Variants in CCSER1 observed in about 807,000 individuals in gnomAD.
The protein encoded by CCSER1 is serine-rich coiled-coil domain-containing protein 1.
Under a neutral mutation model 82.0 loss-of-function variants are expected in CCSER1, and 41 were observed. That is an observed-to-expected ratio of 0.50 (90% CI 0.39 to 0.65). CCSER1 has a LOEUF of 0.65. Ranked by LOEUF, CCSER1 falls within the 30% of genes least tolerant of loss-of-function variation. CCSER1 has a pLI of 0.00. For synonymous variants in CCSER1, 414 were observed against 383.9 expected (o/e 1.08, Z -0.92); for missense variants, 1,119 against 1,064.2 (o/e 1.05, Z -0.72).
chr4:91,377,338 A>G (rs1750502689), intron 10 of CCSER1, among the ~76,000 whole-genome samples: 1 of 152,102 alleles, frequency 6.6e-6, no homozygotes, highest in African/African-American at 2.4e-5. Flanking sequence ...GTCTTCCACA[A>G]TGGTTGAACT....
At chr4:90,618,197 C>T (rs986272809) in intron 5 of CCSER1, among the ~76,000 whole-genome samples, 1 of 151,976 alleles carries the variant, frequency 6.6e-6, no homozygotes, top group African/African-American at 2.4e-5. Context: ...AAGTCATAAG[C>T]ACCAAGTCTT....
At chr4:90,721,563 T>C (rs1306484626) in intron 6 of CCSER1, among the ~76,000 whole-genome samples, 1 of 151,836 alleles carries the variant, frequency 6.6e-6, no homozygotes, top group Non-Finnish European at 1.5e-5. Flanking sequence ...AGTTGTGGAT[T>C]AACAAAAACC....
At chr4:90,896,177 G>T (rs1008216483) in intron 8 of CCSER1, among the ~76,000 whole-genome samples, 1 of 151,912 alleles carries the variant, frequency 6.6e-6, no homozygotes, top group Non-Finnish European at 1.5e-5. Flanking sequence ...GAGATTCTTT[G>T]ATAGCAGTGC....
At chr4:90,465,490 T>G (rs1578610206) in intron 4 of CCSER1, among the ~76,000 whole-genome samples, 1 of 152,212 alleles carries the variant, frequency 6.6e-6, no homozygotes, top group South Asian at 2.1e-4. Context: ...CTGGCTAATT[T>G]TTTGTATTTT....
At chr4:91,230,459 A>C (rs1738536601) in intron 10 of CCSER1, among the ~76,000 whole-genome samples, 1 of 152,068 alleles carries the variant, frequency 6.6e-6, no homozygotes, top group South Asian at 2.1e-4. Flanking sequence ...CTCAACTAAA[A>C]ACAAGTGTAT....
chr4:91,039,693 T>C (rs1473468206), intron 9 of CCSER1, among the ~76,000 whole-genome samples: 1 of 133,912 alleles, frequency 7.5e-6, no homozygotes, highest in Non-Finnish European at 1.7e-5. Flanking sequence ...TGTATAGATC[T>C]AAAATGTGTA....
intron 10 of CCSER1, among the ~76,000 whole-genome samples, chr4:91,142,265 C>T (rs1239519185): frequency 6.6e-6 from 1 of 152,144 alleles, no homozygotes; most frequent in Non-Finnish European, 1.5e-5. Context: ...CTCTCTCTTG[C>T]CTGCCACCAT....
At chr4:91,502,713 TCA>T (rs1280239913) in intron 10 of CCSER1, among the ~76,000 whole-genome samples, 1 of 152,220 alleles carries the variant, frequency 6.6e-6, no homozygotes, top group South Asian at 2.1e-4. Context: ...AAATAATTTC[TCA>T]GTTTTATTTT....
chr4:91,496,289 T>G (rs1435197905), intron 10 of CCSER1, among the ~76,000 whole-genome samples: 1 of 151,284 alleles, frequency 6.6e-6, no homozygotes. Context: ...TGTTTTTCTG[T>G]GCTTGTATCA....
chr4:91,351,201 T>A (rs185294929), intron 10 of CCSER1, among the ~76,000 whole-genome samples: 121 of 152,172 alleles, frequency 8.0e-4, no homozygotes, highest in African/African-American at 2.9e-3. Context: ...TATTACTTTA[T>A]TATAAAATAA....
chr4:90,319,953 T>G (rs1736833068), intron 3 of CCSER1, among the ~76,000 whole-genome samples: 1 of 152,206 alleles, frequency 6.6e-6, no homozygotes, highest in South Asian at 2.1e-4. Flanking sequence ...AAACATGAAA[T>G]TACATTTGTT....
rs138804399 is a variant in CCSER1 at position 90,840,784 on chromosome 4, G to A, written c.2094+24939G>A. On this transcript the variant is annotated intron_variant, in intron 8 of 10. Coordinates refer to ENST00000509176, the MANE Select transcript of CCSER1 (RefSeq NM_001145065.2). The stretch of plus-strand genomic sequence containing the variant: ...TTTTTTAATAGTTATAACCTTGTAT[G>A]CAAGTCACTGTGAATTTTGCTGGCA... Among the ~76,000 whole-genome samples the A allele has an allele frequency of 2.6e-5, 4 of 151,822 alleles. No homozygotes were observed. In the East Asian group the frequency reaches 5.8e-4, roughly 22 times the overall value.
rs370139962 is a variant in CCSER1, at chr4:90,468,258, C to G, written c.1628C>G (p.Ser543Cys). 6.2e-7 allele frequency: 1 copy of G among 1,605,726 alleles called. No individual in the cohort carries two copies. Among genetic ancestry groups the G allele is most frequent in the Non-Finnish European group, 8.5e-7 (1 of 1,175,114 alleles). ...GTTTGCCGGGAGGACTCATATCACTCTGTCGTCTCATGTGCCGCAGTAGTT... is the reference window on the plus strand; with the variant it reads ...GTTTGCCGGGAGGACTCATATCACTGTGTCGTCTCATGTGCCGCAGTAGTT... Reference protein sequence around the residue: ...PSVCREDSYHSVVSCAAVVLT... With the variant: ...PSVCREDSYHCVVSCAAVVLT... The change falls in exon 5 of 11, where the codon TCT (serine) becomes TGT (cysteine). Residue 543 changes from serine (S) to cysteine (C), a missense_variant. By Grantham distance (112) the Ser-to-Cys change is moderately radical. Coordinates refer to ENST00000509176, the MANE Select transcript of CCSER1 (RefSeq NM_001145065.2).
At chr4:90,791,694 C>T (rs1199702460) in intron 7 of CCSER1, among the ~76,000 whole-genome samples, 1 of 151,568 alleles carries the variant, frequency 6.6e-6, no homozygotes, top group Admixed American at 6.6e-5. Flanking sequence ...ACTAAAAATA[C>T]AAAAAATTAG....
At chr4:90,832,328 T>C (rs2149827139) in intron 8 of CCSER1, among the ~76,000 whole-genome samples, 2 of 152,234 alleles carry the variant, frequency 1.3e-5, no homozygotes, top group Non-Finnish European at 2.9e-5. Context: ...ATAGAACATG[T>C]GATGATAGAA....
At chr4:90,842,259 T>A (rs528821341) in intron 8 of CCSER1, among the ~76,000 whole-genome samples, 4 of 152,348 alleles carry the variant, frequency 2.6e-5, no homozygotes, top group African/African-American at 9.6e-5. Context: ...ATAATCTCAT[T>A]AAAATTCTTG....
intron 7 of CCSER1, among the ~76,000 whole-genome samples, chr4:90,802,730 C>T (rs1038079435): frequency 3.1e-4 from 47 of 152,268 alleles, no homozygotes; most frequent in African/African-American, 1.1e-3. Flanking sequence ...ATTTATTTCA[C>T]TAGCTACCCA....
intron 5 of CCSER1, among the ~76,000 whole-genome samples, chr4:90,562,876 GA>G (rs1204945592): frequency 7.1e-6 from 1 of 140,512 alleles, no homozygotes; most frequent in African/African-American, 2.6e-5. Context: ...AAGACCTAAA[GA>G]TATCTTTTAA....
At chr4:90,878,200 A>G (rs143085786) in intron 8 of CCSER1, among the ~76,000 whole-genome samples, 21 of 152,272 alleles carry the variant, frequency 1.4e-4, no homozygotes, top group East Asian at 1.2e-3. Flanking sequence ...AGGTGTTACC[A>G]TAACATAGAC....
Sources: allele counts gnomAD v4.1 joint callset (sites outside exome capture counted in the v4.1 genomes callset), GRCh38; gene constraint gnomAD v4.1.1; transcripts MANE v1.5; gene names NCBI Gene and HGNC (gene_info 2026-07-23, HGNC 2026-07-21).